The following REDIC1 variants were observed in gnomAD, a reference collection of about 807,000 sequenced individuals.
The protein encoded by REDIC1 is regulator of DNA class I crossover intermediates 1, also known as HEI10 Interacting Protein 1.
the REDIC1 span, among the ~76,000 whole-genome samples, chr12:39,851,410 T>G: frequency 6.6e-6 from 1 of 152,196 alleles, no homozygotes; most frequent in Admixed American, 6.5e-5. Flanking sequence ...GCATTCTGAC[T>G]CTTAACTGAC....
the REDIC1 span, among the ~76,000 whole-genome samples, chr12:39,733,819 C>T: frequency 6.2e-3 from 946 of 152,322 alleles, 12 homozygotes; most frequent in African/African-American, 0.012. Flanking sequence ...TTCAAGCCAG[C>T]GGATCTTATC....
the REDIC1 span, among the ~76,000 whole-genome samples, chr12:39,638,908 A>G: frequency 6.6e-6 from 1 of 152,038 alleles, no homozygotes; most frequent in Non-Finnish European, 1.5e-5. Context: ...AGCCTGGAAT[A>G]AAATCACACA....
chr12:39,666,436 A>G, the REDIC1 span, among the ~76,000 whole-genome samples: 1 of 152,174 alleles, frequency 6.6e-6, no homozygotes, highest in Non-Finnish European at 1.5e-5. Context: ...ATGGTGGATA[A>G]GCTTTTTGAT....
the REDIC1 span, among the ~76,000 whole-genome samples, chr12:39,881,773 G>C: frequency 2.6e-5 from 4 of 152,202 alleles, no homozygotes; most frequent in African/African-American, 9.6e-5. Flanking sequence ...GGGAGAGGAT[G>C]AAAAGAGGGG....
the REDIC1 span, among the ~76,000 whole-genome samples, chr12:39,890,172 GT>G: frequency 3.3e-5 from 5 of 152,094 alleles, no homozygotes; most frequent in African/African-American, 1.2e-4. Flanking sequence ...TGAGTTATAT[GT>G]AATGAAGAAA....
At chr12:39,626,737 T>C in the REDIC1 span, among the ~76,000 whole-genome samples, 1 of 152,228 alleles carries the variant, frequency 6.6e-6, no homozygotes, top group Non-Finnish European at 1.5e-5. Context: ...TGAGTTGATA[T>C]ATAGTCTTTG....
At chr12:39,855,522 G>A in the REDIC1 span, among the ~76,000 whole-genome samples, 1 of 152,122 alleles carries the variant, frequency 6.6e-6, no homozygotes, top group East Asian at 1.9e-4. Context: ...TTGCAATTAC[G>A]TATCTGCATT....
the REDIC1 span, among the ~76,000 whole-genome samples, chr12:39,629,500 G>T: frequency 5.7e-3 from 872 of 152,214 alleles, 4 homozygotes; most frequent in Non-Finnish European, 8.4e-3. Flanking sequence ...TTTTATAGTT[G>T]CAAAGATCTT....
the REDIC1 span, among the ~76,000 whole-genome samples, chr12:39,670,525 G>A: frequency 6.6e-6 from 1 of 152,148 alleles, no homozygotes; most frequent in Non-Finnish European, 1.5e-5. Context: ...CTATAATGTG[G>A]TGGGAGATAA....
chr12:39,850,090 C>A, the REDIC1 span, among the ~76,000 whole-genome samples: 1 of 152,046 alleles, frequency 6.6e-6, no homozygotes, highest in South Asian at 2.1e-4. Context: ...TGTCATGTTC[C>A]CTGCTTTGGC....
At chr12:39,767,552 A>C in the REDIC1 span, among the ~76,000 whole-genome samples, 1 of 152,002 alleles carries the variant, frequency 6.6e-6, no homozygotes, top group Non-Finnish European at 1.5e-5. Flanking sequence ...CTAGACATTG[A>C]CTTCTCCTCT....
the REDIC1 span, among the ~76,000 whole-genome samples, chr12:39,676,846 A>C: frequency 6.6e-6 from 1 of 152,204 alleles, no homozygotes; most frequent in African/African-American, 2.4e-5. Flanking sequence ...TTTTCTATCC[A>C]TTGAAACTAA....
the REDIC1 span, among the ~76,000 whole-genome samples, chr12:39,892,236 T>C: frequency 6.6e-6 from 1 of 152,212 alleles, no homozygotes; most frequent in Non-Finnish European, 1.5e-5. Flanking sequence ...CCCTTGTCTA[T>C]CTCATTAATC....
the REDIC1 span, among the ~76,000 whole-genome samples, chr12:39,835,205 G>A: frequency 1.3e-5 from 2 of 152,030 alleles, no homozygotes; most frequent in Admixed American, 6.6e-5. Flanking sequence ...CTGGACTAAG[G>A]TCTAAATTCT....
the REDIC1 span, among the ~76,000 whole-genome samples, chr12:39,712,866 C>CACGTATATACACATAT: frequency 3.6e-4 from 5 of 13,998 alleles, no homozygotes; most frequent in Admixed American, 5.5e-3. Flanking sequence ...TGTATATACA[C>CACGTATATACACATAT]GTATATACAC....
At chr12:39,811,563 A>G in the REDIC1 span, among the ~76,000 whole-genome samples, 3 of 152,110 alleles carry the variant, frequency 2.0e-5, no homozygotes, top group African/African-American at 7.2e-5. Flanking sequence ...CCTTTTTTAC[A>G]GCATGGGTTA....
At chr12:39,629,102 T>C in the REDIC1 span, among the ~76,000 whole-genome samples, 2 of 152,064 alleles carry the variant, frequency 1.3e-5, no homozygotes, top group Non-Finnish European at 2.9e-5. Context: ...AGGACAGAAA[T>C]AGTGCACAGA....
the REDIC1 span, among the ~76,000 whole-genome samples, chr12:39,708,021 G>T: frequency 6.6e-6 from 1 of 151,810 alleles, no homozygotes; most frequent in Admixed American, 6.6e-5. Flanking sequence ...AAAGGTAGTT[G>T]TGGGGTTGGG....
chr12:39,694,107 T>C, the REDIC1 span, among the ~76,000 whole-genome samples: 10 of 152,334 alleles, frequency 6.6e-5, no homozygotes, highest in African/African-American at 2.4e-4. Context: ...GAATTCTCTA[T>C]TATATCTTTT....
Sources: allele counts gnomAD v4.1 joint callset (sites outside exome capture counted in the v4.1 genomes callset), GRCh38; gene constraint gnomAD v4.1.1; transcripts MANE v1.5; gene names NCBI Gene and HGNC (gene_info 2026-07-23, HGNC 2026-07-21).